Variants in SV2B observed in about 807,000 individuals in gnomAD.
SV2B encodes solute carrier family 22 member B2.
A neutral mutation model predicts 73.9 loss-of-function variants in SV2B; 41 were observed. The observed-to-expected ratio is 0.56, with a 90% confidence interval of 0.43 to 0.72. SV2B has a LOEUF of 0.72. Among genes scored for constraint, SV2B ranks in the 30% least tolerant of loss-of-function variants. The probability of loss-of-function intolerance (pLI) is 0.00; values close to 1 mark genes in which losing one functional copy is unlikely to be tolerated. For synonymous variants in SV2B, 314 were observed against 314.2 expected (o/e 1.00, Z 0.01); for missense variants, 764 against 857.8 (o/e 0.89, Z 1.37).
chr15:91,147,264 C>T (rs527273302), intron 1 of SV2B, among the ~76,000 whole-genome samples: 1 of 152,344 alleles, frequency 6.6e-6, no homozygotes, highest in South Asian at 2.1e-4. Context: ...AGCCTACCAC[C>T]TAGAATTACA....
Position 91,267,753 on chromosome 15 carries a change from T to A in SV2B, c.1208+110T>A. 1 of 936,312 alleles carries A rather than the reference T, an allele frequency of 1.1e-6. No individual in the cohort carries two copies. Among genetic ancestry groups the A allele is most frequent in the Non-Finnish European group, 1.7e-6 (1 of 592,082 alleles). The allele number at this position is 936,312 out of a possible 1,614,324, so 58.0% of individuals were successfully genotyped here. On this transcript the variant is annotated intron_variant, in intron 8 of 12. Transcript: ENST00000394232. The surrounding 1 kb of genome is among the most constrained non-coding windows in gnomAD (Gnocchi z 4.3). ...TTAGAATTTGTATCAGGTAGGATGCTTTGGTGGCAAGTAGCAGAAAACCAA... is the reference window on the plus strand; with the variant it reads ...TTAGAATTTGTATCAGGTAGGATGCATTGGTGGCAAGTAGCAGAAAACCAA...
Position 91,267,564 on chromosome 15 carries a change from A to G in SV2B, c.1129A>G (p.Asn377Asp), listed in dbSNP as rs374502775. 48 of 1,612,940 alleles carry G rather than the reference A, an allele frequency of 3.0e-5. No individual in the cohort carries two copies. The highest frequency in any genetic ancestry group is 3.6e-5 in the Non-Finnish European group (43 of 1,179,482). The change falls in exon 8 of 13, where the codon AAT becomes GAT. Residue 377 changes from asparagine (N) to aspartate (D), a missense_variant. Coordinates refer to ENST00000394232, the MANE Select transcript of SV2B (RefSeq NM_001323032.3). This position sits in a 1 kb window ranked among gnomAD's most constrained non-coding sequence, Gnocchi z 4.3. ...CTGGTATGGGTTGTAGGTCTGGGAT[A>G]ATGCCCTGTACTGTGTGATGGGGCC... is the stretch of plus-strand genomic sequence containing the variant. ...FKTIFKQVWDNALYCVMGPYR... is the reference protein window; with the variant it reads ...FKTIFKQVWDDALYCVMGPYR...
At position 91,280,997 on chromosome 15, in the gene SV2B, A is replaced by G. The variant is rs543768274; in HGVS notation, c.1374-731A>G. Among the ~76,000 whole-genome samples the G allele has an allele frequency of 6.6e-6, 1 of 152,350 alleles. No individual in the cohort carries two copies. Among genetic ancestry groups the G allele is most frequent in the Admixed American group, 6.5e-5 (1 of 15,304 alleles). ...TAAAGATTATTCCATATTAACACAT[A>G]TAGATCTACCTCATTTACTACGATG... On this transcript the variant is annotated intron_variant, in intron 9 of 12. Transcript: ENST00000394232. This position sits in a 1 kb window ranked among gnomAD's most constrained non-coding sequence, Gnocchi z 5.8.
intron 1 of SV2B, among the ~76,000 whole-genome samples, chr15:91,138,318 A>G (rs1349676672): frequency 6.6e-6 from 1 of 152,214 alleles, no homozygotes; most frequent in African/African-American, 2.4e-5. Flanking sequence ...AGTGTGACCG[A>G]GGAACTAAGT....
rs1198092212 is a variant in SV2B at position 91,296,904 on chromosome 15, T to C, written c.*4352T>C. The C allele has an allele frequency of 1.4e-5, 2 of 138,598 alleles. No homozygotes were observed. Among genetic ancestry groups the C allele is most frequent in the Non-Finnish European group, 3.0e-5 (2 of 65,806 alleles). The allele number at this position is 138,598 out of a possible 1,614,324, so 8.6% of individuals were successfully genotyped here. On this transcript the variant is annotated 3_prime_UTR_variant, in exon 13 of 13. Coordinates refer to ENST00000394232, the MANE Select transcript of SV2B (RefSeq NM_001323032.3). Reference sequence around the variant, plus strand: ...GGCGCACGCTCCTTCTGCCCGATCGTTGGGCGCATGCTCCTTCTGCCCGAT... The same window carrying C: ...GGCGCACGCTCCTTCTGCCCGATCGCTGGGCGCATGCTCCTTCTGCCCGAT...
chr15:91,282,049 G>T (rs2048699645), intron 10 of SV2B, among the ~76,000 whole-genome samples, 188 bp downstream of exon 10: 1 of 152,224 alleles, frequency 6.6e-6, no homozygotes. Flanking sequence ...CCTTTGCTAA[G>T]GCATTTAATG....
At chr15:91,250,580 C>T (rs2047444495) in intron 2 of SV2B, among the ~76,000 whole-genome samples, 1 of 151,964 alleles carries the variant, frequency 6.6e-6, no homozygotes, top group Non-Finnish European at 1.5e-5. Flanking sequence ...AAAGACTCCA[C>T]CAAAAAATTG....
chr15:91,181,421 C>G (rs1208316432), intron 1 of SV2B, among the ~76,000 whole-genome samples: 1 of 152,038 alleles, frequency 6.6e-6, no homozygotes, highest in East Asian at 2.0e-4. Flanking sequence ...CTGCTCTCTT[C>G]AAAGCTGTCA....
chr15:91,159,194 C>G (rs2043621854), intron 1 of SV2B, among the ~76,000 whole-genome samples: 1 of 152,174 alleles, frequency 6.6e-6, no homozygotes, highest in Admixed American at 6.5e-5. Flanking sequence ...AGCTCCCCAC[C>G]ACCTCAGCTT....
intron 10 of SV2B, among the ~76,000 whole-genome samples, chr15:91,282,334 G>A (rs918243607): frequency 2.6e-5 from 4 of 152,188 alleles, no homozygotes; most frequent in African/African-American, 9.7e-5. Flanking sequence ...TTTGCATAAA[G>A]TGAAATACAA....
At chr15:91,251,600 G>C (rs1443237117) in intron 2 of SV2B, among the ~76,000 whole-genome samples, 1 of 152,200 alleles carries the variant, frequency 6.6e-6, no homozygotes, top group Non-Finnish European at 1.5e-5. Context: ...ATCTGTGTTA[G>C]TCTGTGTATA....
In SV2B at chr15:91,243,950, A is replaced by C. The variant is rs189252786; in HGVS notation, c.452-7869A>C. 5.1e-4 allele frequency among the ~76,000 whole-genome samples: 77 copies of C among 152,230 alleles called. 2 individuals are homozygous for C. The highest frequency in any genetic ancestry group is 3.4e-3 in the Middle Eastern group (1 of 294). On this transcript the variant is annotated intron_variant, in intron 2 of 12. Transcript: ENST00000394232. ...GAGCTGAGGGGCCAGGGCAAGTGAG[A>C]ATGTTGCATCCTCAGGCAGAGTGAC...
rs774103333 is a variant in SV2B, at chr15:91,292,428, C to T, written c.1928C>T (p.Thr643Ile). The change falls in exon 13 of 13, where the codon ACC (threonine) becomes ATC (isoleucine). Residue 643 changes from threonine to isoleucine, a missense_variant. Transcript: ENST00000394232. Reference sequence around the variant, plus strand: ...AAATTTGGCGCCATCCTGGGAAACACCATCTTTGCTTCTTTTGTTGGGATA... The same window carrying T: ...AAATTTGGCGCCATCCTGGGAAACATCATCTTTGCTTCTTTTGTTGGGATA... The part of the protein sequence containing the change: ...LCKFGAILGN[T>I]IFASFVGITK... The T allele has an allele frequency of 6.2e-7, 1 of 1,614,170 alleles. No individual in the cohort carries two copies. Among genetic ancestry groups the T allele is most frequent in the Non-Finnish European group, 8.5e-7 (1 of 1,180,038 alleles).
rs1421749771 is a variant in SV2B, at chr15:91,245,004, T to A, written c.452-6815T>A. 6.6e-6 allele frequency among the ~76,000 whole-genome samples: 1 copy of A among 152,256 alleles called. No individual in the cohort carries two copies. Among genetic ancestry groups the A allele is most frequent in the Non-Finnish European group, 1.5e-5 (1 of 68,048 alleles). ...AGCAAGAAAAAGGTTAGAAGTGGTT[T>A]ATTTGTCTTTGGTTAATTGCTAAAT... On this transcript the variant is annotated intron_variant, in intron 2 of 12. Coordinates refer to ENST00000394232, the MANE Select transcript of SV2B (RefSeq NM_001323032.3). The surrounding 1 kb of genome is among the most constrained non-coding windows in gnomAD (Gnocchi z 4.2).
intron 1 of SV2B, among the ~76,000 whole-genome samples, chr15:91,109,598 G>A (rs2151725701): frequency 6.6e-6 from 1 of 152,284 alleles, no homozygotes; most frequent in Middle Eastern, 3.4e-3. Flanking sequence ...TATTTCATGG[G>A]CAGGTTCCTT....
intron 1 of SV2B, among the ~76,000 whole-genome samples, chr15:91,158,575 G>A (rs547131978): frequency 6.6e-6 from 1 of 151,536 alleles, no homozygotes; most frequent in South Asian, 2.1e-4. Context: ...GGCTAGTGGG[G>A]TAGGGGAGGG....
At chr15:91,160,252 G>C (rs2141246671) in intron 1 of SV2B, among the ~76,000 whole-genome samples, 1 of 152,222 alleles carries the variant, frequency 6.6e-6, no homozygotes, top group South Asian at 2.1e-4. Flanking sequence ...ATAAATGTGT[G>C]GAAATGGCTG....
chr15:91,120,968 CA>C (rs2042318855), intron 1 of SV2B, among the ~76,000 whole-genome samples: 1 of 152,132 alleles, frequency 6.6e-6, no homozygotes, highest in Admixed American at 6.6e-5. Context: ...CTGCAGCACC[CA>C]CTCAAGACTT....
At chr15:91,260,785 G>T (rs1228986556) in intron 6 of SV2B, among the ~76,000 whole-genome samples, 1 of 152,104 alleles carries the variant, frequency 6.6e-6, no homozygotes, top group Non-Finnish European at 1.5e-5. Context: ...GGCGGGAGGC[G>T]AAAGGCACTT....
Sources: allele counts gnomAD v4.1 joint callset (sites outside exome capture counted in the v4.1 genomes callset), GRCh38; gene constraint gnomAD v4.1.1; non-coding constraint Gnocchi (gnomAD v3.1); transcripts MANE v1.5; gene names NCBI Gene and HGNC (gene_info 2026-07-23, HGNC 2026-07-21).